MOB1B: variants seen among roughly 807,000 people sequenced by gnomAD.
MOB1B encodes MOB1 Mps One Binder homolog B.
A neutral mutation model predicts 24.4 loss-of-function variants in MOB1B; 19 were observed. The ratio of observed to expected loss-of-function variants is 0.78; its 90% CI spans 0.54 to 1.14. The LOEUF (loss-of-function observed/expected upper bound fraction) is 1.14. Among genes scored for constraint, MOB1B ranks in the 50% most tolerant of loss-of-function variants. MOB1B has a pLI of 0.00. For missense variants in MOB1B, 243 were observed against 259.6 expected (o/e 0.94, Z 0.44); for synonymous variants, 76 against 82.1 (o/e 0.93, Z 0.40).
At position 70,982,458 on chromosome 4, in the gene MOB1B, T is replaced by G. The variant is rs548864121; in HGVS notation, c.*401T>G. Reference sequence around the variant, plus strand: ...TTAAGTGCCTTGGCAGGCTCACTTCTGAGGTGCAAAACATAGATATAGAAC... The same window carrying G: ...TTAAGTGCCTTGGCAGGCTCACTTCGGAGGTGCAAAACATAGATATAGAAC... On this transcript the variant is annotated 3_prime_UTR_variant, in exon 6 of 6. Coordinates refer to ENST00000309395, the MANE Select transcript of MOB1B (RefSeq NM_173468.4). 1 of 159,772 alleles carries G rather than the reference T, an allele frequency of 6.3e-6. No individual in the cohort carries two copies. The highest frequency in any genetic ancestry group is 1.8e-4 in the East Asian group (1 of 5,470). The allele number at this position is 159,772 out of a possible 1,614,324, so 9.9% of individuals were successfully genotyped here. A position where few individuals can be genotyped will look rare whatever the true frequency, so the allele number is the denominator to read the frequency against.
chr4:70,919,563 A>C (rs183531320), intron 1 of MOB1B, among the ~76,000 whole-genome samples: 2 of 152,134 alleles, frequency 1.3e-5, no homozygotes, highest in African/African-American at 4.8e-5. Flanking sequence ...CAGTGGCGCT[A>C]TCTCGGCTCA....
At chr4:70,921,804 G>A (rs1217930834) in intron 1 of MOB1B, among the ~76,000 whole-genome samples, 5 of 152,028 alleles carry the variant, frequency 3.3e-5, no homozygotes, top group African/African-American at 1.2e-4. Flanking sequence ...ACCGTGCCTG[G>A]CCCGCATTTC....
chr4:70,926,265 T>A (rs1366886898), intron 1 of MOB1B, among the ~76,000 whole-genome samples: 3 of 132,388 alleles, frequency 2.3e-5, no homozygotes, highest in East Asian at 2.0e-4. Flanking sequence ...ATTACAGCCA[T>A]TTTTTTTTTT....
chr4:70,955,979 C>T (rs1166314920), intron 1 of MOB1B, among the ~76,000 whole-genome samples: 1 of 152,056 alleles, frequency 6.6e-6, no homozygotes, highest in Non-Finnish European at 1.5e-5. Context: ...TCTAGCAATG[C>T]TTCTGCCTCA....
rs151198965 is a variant in MOB1B, at chr4:70,984,763, T to C, written c.*2706T>C. The C allele has an allele frequency of 2.0e-3, 297 of 152,284 alleles. 1 individual carries two copies. Among genetic ancestry groups the C allele is most frequent in the African/African-American group, 6.8e-3 (283 of 41,570 alleles). The allele number at this position is 152,284 out of a possible 1,614,324, so 9.4% of individuals were successfully genotyped here. On this transcript the variant is annotated 3_prime_UTR_variant, in exon 6 of 6. Transcript: ENST00000309395. ...ATTAATAACAAAAAGAGTGAAAATA[T>C]TTTAATTAGCAGTAGATGGTGCTAC...
At position 70,983,872 on chromosome 4, in the gene MOB1B, A is replaced by C. The variant is rs1293547087; in HGVS notation, c.*1815A>C. 1 of 152,614 alleles carries C rather than the reference A, an allele frequency of 6.6e-6. No individual in the cohort carries two copies. 9.5% of individuals were successfully genotyped at this position (152,614 alleles called of 1,614,324 possible). ...TTGGTAAAGCTTATTTATAAACTGC[A>C]GTCAGAGCTAGTTAATTTCCTTAAA... On this transcript the variant is annotated 3_prime_UTR_variant, in exon 6 of 6. Transcript: ENST00000309395.
intron 1 of MOB1B, among the ~76,000 whole-genome samples, chr4:70,925,517 A>G (rs1362472956): frequency 1.3e-5 from 2 of 152,176 alleles, no homozygotes; most frequent in African/African-American, 4.8e-5. Context: ...CTGGTGACAG[A>G]AAGTACTCTC....
At chr4:70,968,252 CT>C (rs1233170279) in intron 2 of MOB1B, among the ~76,000 whole-genome samples, 1 of 152,310 alleles carries the variant, frequency 6.6e-6, no homozygotes, top group East Asian at 1.9e-4. Flanking sequence ...GAGGTACAGT[CT>C]ACTTTGAATT....
intron 4 of MOB1B, 139 bp from the exon 5 acceptor site, chr4:70,978,989 A>G: frequency 3.0e-6 from 2 of 668,538 alleles, no homozygotes; most frequent in South Asian, 3.9e-5. Context: ...CTGAAAAGGT[A>G]TAATGGGTAT....
intron 1 of MOB1B, among the ~76,000 whole-genome samples, chr4:70,942,291 G>A (rs1234611596): frequency 6.6e-6 from 1 of 151,908 alleles, no homozygotes; most frequent in Non-Finnish European, 1.5e-5. Flanking sequence ...AAGTGGAATT[G>A]CCATTTAATA....
chr4:70,912,263 A>G (rs1007503406), intron 1 of MOB1B, among the ~76,000 whole-genome samples: 2 of 138,814 alleles, frequency 1.4e-5, no homozygotes, highest in South Asian at 2.4e-4. Flanking sequence ...ATTCTTTTAC[A>G]GAAGTGATTT....
At chr4:70,949,894 AG>A (rs984919278) in intron 1 of MOB1B, among the ~76,000 whole-genome samples, 5 of 152,054 alleles carry the variant, frequency 3.3e-5, no homozygotes, top group Non-Finnish European at 7.4e-5. Flanking sequence ...TAGGGGACAG[AG>A]TGAACCCTGT....
intron 1 of MOB1B, among the ~76,000 whole-genome samples, chr4:70,934,116 G>T (rs540163661): frequency 6.6e-6 from 1 of 151,996 alleles, no homozygotes; most frequent in African/African-American, 2.4e-5. Context: ...GTGAAGTCTC[G>T]CTCTGTTGCC....
chr4:70,902,116 CA>C (rs1475226120), upstream of MOB1B, among the ~76,000 whole-genome samples: 3 of 152,198 alleles, frequency 2.0e-5, no homozygotes, highest in Non-Finnish European at 2.9e-5. Context: ...ACCGGGTGGA[CA>C]GGGGGGCCGG....
intron 1 of MOB1B, among the ~76,000 whole-genome samples, chr4:70,947,186 T>C (rs550677515): frequency 5.3e-5 from 8 of 152,338 alleles, no homozygotes; most frequent in South Asian, 2.1e-4. Context: ...GGGGATGATA[T>C]CACCAGTTTT....
intron 1 of MOB1B, among the ~76,000 whole-genome samples, chr4:70,937,628 C>CA (rs1345353078): frequency 6.6e-6 from 1 of 151,922 alleles, no homozygotes; most frequent in African/African-American, 2.4e-5. Flanking sequence ...TCTCATGTCT[C>CA]AGTCTCCCAA....
intron 1 of MOB1B, among the ~76,000 whole-genome samples, chr4:70,954,820 G>C (rs1737974509): frequency 6.6e-6 from 1 of 151,306 alleles, no homozygotes; most frequent in Non-Finnish European, 1.5e-5. Flanking sequence ...GTGCGATCTG[G>C]GCATGGTGGC....
intron 1 of MOB1B, among the ~76,000 whole-genome samples, chr4:70,957,777 G>A (rs1738130780): frequency 6.9e-6 from 1 of 145,064 alleles, no homozygotes; most frequent in Non-Finnish European, 1.5e-5. Context: ...TTTTTCAAGA[G>A]ATGGGGGTCT....
rs1312093408 is a variant in MOB1B at position 70,902,536 on chromosome 4, C to G, written c.-1C>G. On this transcript the variant is annotated 5_prime_UTR_variant, in exon 1 of 6. Coordinates refer to ENST00000309395, the MANE Select transcript of MOB1B (RefSeq NM_173468.4). ...AGCCTGCAGCCTGCCCCGCGGCCAA[C>G]ATGAGCTTCTTGTTGTGAGTAGCCA... is the stretch of plus-strand genomic sequence containing the variant. 6.4e-7 allele frequency: 1 copy of G among 1,565,616 alleles called. No individual in the cohort carries two copies. The highest frequency in any genetic ancestry group is 8.7e-7 in the Non-Finnish European group (1 of 1,155,888).
Sources: gnomAD v4.1 joint callset for allele counts (sites outside exome capture counted in the v4.1 genomes callset) on GRCh38, gnomAD v4.1.1 for gene constraint, MANE v1.5 for transcripts, NCBI Gene and HGNC (gene_info 2026-07-23, HGNC 2026-07-21) for gene names.